The following LAMA4 variants were observed in gnomAD, a reference collection of about 807,000 sequenced individuals.
LAMA4 encodes the protein laminin subunit alpha-4.
LAMA4 carries 127 observed loss-of-function variants against 207.1 expected under a neutral mutation model. That is an observed-to-expected ratio of 0.61 (90% CI 0.53 to 0.71). LAMA4 has a LOEUF of 0.71. Ranked by LOEUF, LAMA4 falls within the 30% of genes least tolerant of loss-of-function variation. LAMA4 has a pLI of 0.00. For synonymous variants in LAMA4, 761 were observed against 816.0 expected (o/e 0.93, Z 1.15); for missense variants, 2,093 against 2,246.5 (o/e 0.93, Z 1.38).
At chr6:112,184,608 AATCT>A (rs1235508876) in intron 9 of LAMA4, among the ~76,000 whole-genome samples, 1 of 152,008 alleles carries the variant, frequency 6.6e-6, no homozygotes, top group Non-Finnish European at 1.5e-5. Flanking sequence ...TATCTTGTCA[AATCT>A]ATCTTTTTAT....
intron 9 of LAMA4, chr6:112,179,952 T>C (rs1375542703): frequency 1.9e-6 from 1 of 532,280 alleles, no homozygotes; most frequent in Non-Finnish European, 3.9e-6. Context: ...TTCCAGTGCT[T>C]TCCAGAAAAA....
At chr6:112,253,409 G>A (rs1235028850) in intron 2 of LAMA4, 1 of 284,862 alleles carries the variant, frequency 3.5e-6, no homozygotes, top group African/African-American at 2.2e-5. Flanking sequence ...GAATACAATG[G>A]CTCGTTTCTA....
chr6:112,253,887 G>C, intron 2 of LAMA4, 69 bp downstream of exon 2: 1 of 1,613,996 alleles, frequency 6.2e-7, no homozygotes, highest in Non-Finnish European at 8.5e-7. Flanking sequence ...AGAGAGAGAA[G>C]GACGAGTGTG....
chr6:112,253,133 T>G lies in LAMA4; in HGVS notation c.195+823A>C, dbSNP rs1215675488. 2.6e-5 allele frequency among the ~76,000 whole-genome samples: 4 copies of G among 152,194 alleles called. 1 individual carries two copies. The highest frequency in any genetic ancestry group is 1.3e-4 in the Admixed American group (2 of 15,284). On this transcript the variant is annotated intron_variant, in intron 2 of 38. Transcript: ENST00000230538. ...GTGGTGTTTGTTTTGCTAGGTCAAT[T>G]GCTCCTTCCTTTCCCATGAACTTAG... is the stretch of plus-strand genomic sequence containing the variant.
chr6:112,150,603 G>T lies in LAMA4; in HGVS notation c.2081C>A (p.Thr694Asn). The T allele has an allele frequency of 6.2e-7, 1 of 1,613,958 alleles. No homozygotes were observed. The highest frequency in any genetic ancestry group is 8.5e-7 in the Non-Finnish European group (1 of 1,179,848). Residue 694 changes from threonine (T) to asparagine (N), a missense_variant, in exon 17 of 39, where the codon ACT becomes AAT. Physicochemically the swap from Thr to Asn is moderately conservative, Grantham distance 65. This residue lies in a region of LAMA4 where 1,704 missense variants were observed against 1,788.4 expected (regional missense o/e 0.95). Coordinates refer to ENST00000230538, the MANE Select transcript of LAMA4 (RefSeq NM_001105206.3). ...TAGGGCTCCACCCACACGCCTGCTA[G>T]TGTCAGCCACTGCTTCATCACTGCC... ...ESSSDEAVAD[T>N]SRRVGGALAR...
At chr6:112,155,423 G>T in intron 15 of LAMA4, 142 bp downstream of exon 15, 1 of 872,514 alleles carries the variant, frequency 1.1e-6, no homozygotes, top group Non-Finnish European at 1.8e-6. Flanking sequence ...AGGCATTCAT[G>T]AAATGGTCTT....
chr6:112,166,257 T>TGGGGTA (rs1366531673), intron 12 of LAMA4: 1 of 152,214 alleles, frequency 6.6e-6, no homozygotes, highest in Non-Finnish European at 1.5e-5. Flanking sequence ...TATGTTGTTA[T>TGGGGTA]GGGGTAGGTG....
intron 13 of LAMA4, chr6:112,159,432 A>AAC (rs1780923252): frequency 6.3e-6 from 1 of 159,022 alleles, no homozygotes; most frequent in African/African-American, 2.4e-5. Flanking sequence ...ATCACCTTGT[A>AAC]ACACAGGCTC....
chr6:112,154,913 T>C lies in LAMA4; in HGVS notation c.1994A>G (p.His665Arg). 6.2e-7 allele frequency: 1 copy of C among 1,613,520 alleles called. No individual in the cohort carries two copies. The highest frequency in any genetic ancestry group is 8.5e-7 in the Non-Finnish European group (1 of 1,179,474). The change falls in exon 16 of 39, where the codon CAT (histidine) becomes CGT (arginine). Residue 665 changes from histidine (H) to arginine (R), a missense_variant. Physicochemically the swap from His to Arg is conservative, Grantham distance 29. Transcript: ENST00000230538. ...GAGGAGGTTCTCACTTTCATCTTTA[T>C]GGTAAATGATTTGAGTATCAATCCC... is the stretch of plus-strand genomic sequence containing the variant. Reference protein sequence around the residue: ...VSGIDTQIIYHKDESENLLNQ... With the variant: ...VSGIDTQIIYRKDESENLLNQ...
chr6:112,207,108 T>A lies in LAMA4; in HGVS notation c.335A>T (p.Lys112Met). 1 of 1,614,004 alleles carries A rather than the reference T, an allele frequency of 6.2e-7. No homozygotes were observed. The highest frequency in any genetic ancestry group is 1.7e-5 in the Admixed American group (1 of 59,998). ...ATCTCCGATATAACCATCCAGACAC[T>A]TTTCACAGTGCTCTCCTGTTGTGTT... ...QRNTTGEHCE[K>M]CLDGYIGDSI... Residue 112 changes from lysine to methionine, a missense_variant, in exon 4 of 39, where the codon AAG (lysine) becomes ATG (methionine). Transcript: ENST00000230538.
intron 35 of LAMA4, among the ~76,000 whole-genome samples, chr6:112,116,529 A>G (rs1213868235): frequency 6.6e-6 from 1 of 152,230 alleles, no homozygotes; most frequent in African/African-American, 2.4e-5. Context: ...TCGGACCTGT[A>G]TTTTAAAATA....
At chr6:112,145,826 T>G (rs1554334407) in intron 18 of LAMA4, among the ~76,000 whole-genome samples, 1 of 152,170 alleles carries the variant, frequency 6.6e-6, no homozygotes, top group African/African-American at 2.4e-5. Flanking sequence ...GGGACCACGG[T>G]ATATATACAA....
intron 13 of LAMA4, among the ~76,000 whole-genome samples, chr6:112,160,576 C>A (rs542430797): frequency 2.0e-5 from 3 of 152,344 alleles, no homozygotes; most frequent in African/African-American, 7.2e-5. Context: ...GGCCCCAAAT[C>A]TCCAGATCCA....
intron 4 of LAMA4, among the ~76,000 whole-genome samples, chr6:112,202,443 G>GGTGT (rs3831518): frequency 5.3e-4 from 79 of 150,132 alleles, no homozygotes; most frequent in Non-Finnish European, 9.8e-4. Context: ...GGGGCATAGG[G>GGTGT]GTGTGTGTGT....
chr6:112,210,405 G>A (rs979457586), intron 3 of LAMA4, among the ~76,000 whole-genome samples: 1 of 152,114 alleles, frequency 6.6e-6, no homozygotes, highest in Admixed American at 6.5e-5. Context: ...TGAACTTTTA[G>A]CCAGTGGTTA....
In LAMA4 at chr6:112,208,084, G is replaced by A. The variant is rs782064630; in HGVS notation, c.298-939C>T. Among the ~76,000 whole-genome samples the A allele has an allele frequency of 4.6e-5, 7 of 152,202 alleles. No homozygotes were observed. The South Asian group carries it at 1.4e-3, about 31-fold the overall frequency. ...CTATGGGACTATACTAGTGGTACAA[G>A]GCAAAGCCATTAGCTCTATTTTTTT... On this transcript the variant is annotated intron_variant, in intron 3 of 38. Transcript: ENST00000230538.
chr6:112,121,159 C>T (rs1342453751), intron 32 of LAMA4, among the ~76,000 whole-genome samples: 1 of 151,796 alleles, frequency 6.6e-6, no homozygotes. Flanking sequence ...GTGAATAATA[C>T]AAATAATATC....
At chr6:112,135,391 T>G (rs1183528117) in intron 25 of LAMA4, among the ~76,000 whole-genome samples, 3 of 152,186 alleles carry the variant, frequency 2.0e-5, no homozygotes, top group Non-Finnish European at 4.4e-5. Flanking sequence ...TGAGCAGTTC[T>G]AATGAATCTG....
In LAMA4 at chr6:112,254,076, C is replaced by G; in HGVS notation, c.75G>C (p.Ala25=). 1 of 1,611,552 alleles carries G rather than the reference C, an allele frequency of 6.2e-7. No homozygotes were observed. The highest frequency in any genetic ancestry group is 8.5e-7 in the Non-Finnish European group (1 of 1,179,290). ...LLWSAACSRA[A]SGDDNAFPFD... is the part of the protein sequence containing the mutation. ...AAGGAAAAGCGTTGTCGTCCCCGGA[C>G]GCGGCGCGGGAGCAGGCAGCGCTCC... is the stretch of plus-strand genomic sequence containing the variant. Residue 25 remains alanine (A), a synonymous_variant, in exon 2 of 39, where the codon GCG becomes GCC. Coordinates refer to ENST00000230538, the MANE Select transcript of LAMA4 (RefSeq NM_001105206.3).
Sources: allele counts gnomAD v4.1 joint callset (sites outside exome capture counted in the v4.1 genomes callset), GRCh38; gene constraint gnomAD v4.1.1; regional missense constraint gnomAD v4.1.1; transcripts MANE v1.5; gene names NCBI Gene and HGNC (gene_info 2026-07-23, HGNC 2026-07-21).